LOC128462377: variants seen among roughly 807,000 people sequenced by gnomAD.
the LOC128462377 span, among the ~76,000 whole-genome samples, chr16:89,410,074 C>T: frequency 6.6e-6 from 1 of 152,148 alleles, no homozygotes; most frequent in Non-Finnish European, 1.5e-5. Flanking sequence ...CTCCTGACCT[C>T]GTGATCCGCC....
the LOC128462377 span, among the ~76,000 whole-genome samples, chr16:89,397,535 C>T: frequency 3.9e-5 from 6 of 152,196 alleles, no homozygotes; most frequent in African/African-American, 9.7e-5. Context: ...TCGTCCCTGA[C>T]GGGGAAGGGT....
the LOC128462377 span, among the ~76,000 whole-genome samples, chr16:89,416,783 T>A: frequency 2.0e-5 from 3 of 150,454 alleles, no homozygotes; most frequent in African/African-American, 4.9e-5. Flanking sequence ...AAAAAAAAAA[T>A]TAAAAAAAGA....
At chr16:89,380,941 C>T in the LOC128462377 span, among the ~76,000 whole-genome samples, 1 of 152,184 alleles carries the variant, frequency 6.6e-6, no homozygotes, top group Non-Finnish European at 1.5e-5. Context: ...ATCCCTGCTT[C>T]CCAGTGTGGG....
chr16:89,403,422 G>A, the LOC128462377 span, among the ~76,000 whole-genome samples: 2 of 152,138 alleles, frequency 1.3e-5, no homozygotes, highest in African/African-American at 2.4e-5. Context: ...AGGGCAGAGC[G>A]GGGAACCCAA....
chr16:89,411,186 A>G, the LOC128462377 span, among the ~76,000 whole-genome samples: 1 of 152,250 alleles, frequency 6.6e-6, no homozygotes, highest in Non-Finnish European at 1.5e-5. Context: ...CCACGCCTCC[A>G]TGACGGTGCC....
chr16:89,355,836 G>A, the LOC128462377 span, among the ~76,000 whole-genome samples: 1 of 152,178 alleles, frequency 6.6e-6, no homozygotes, highest in Non-Finnish European at 1.5e-5. Flanking sequence ...GCTCTCCTGT[G>A]CGCAGCCCAA....
the LOC128462377 span, among the ~76,000 whole-genome samples, chr16:89,355,307 C>G: frequency 2.0e-5 from 3 of 151,918 alleles, no homozygotes; most frequent in Admixed American, 6.6e-5. Flanking sequence ...GGCGGGCGGA[C>G]GGCTCACACA....
chr16:89,393,109 C>G, the LOC128462377 span, among the ~76,000 whole-genome samples: 1 of 152,102 alleles, frequency 6.6e-6, no homozygotes, highest in African/African-American at 2.4e-5. Flanking sequence ...CCCTCTTCTT[C>G]ACCTGCATAC....
chr16:89,359,460 G>A, the LOC128462377 span, among the ~76,000 whole-genome samples: 39 of 152,202 alleles, frequency 2.6e-4, no homozygotes, highest in Admixed American at 7.2e-4. Context: ...CACGTCTGCT[G>A]CAGCCCCTCG....
chr16:89,384,753 G>T, the LOC128462377 span, among the ~76,000 whole-genome samples: 2 of 151,960 alleles, frequency 1.3e-5, no homozygotes, highest in African/African-American at 4.8e-5. Flanking sequence ...TGTATTTTTG[G>T]CAACCTGTAT....
chr16:89,358,972 T>A, the LOC128462377 span, among the ~76,000 whole-genome samples: 2 of 152,086 alleles, frequency 1.3e-5, no homozygotes, highest in Non-Finnish European at 2.9e-5. Flanking sequence ...ACCACAGGCA[T>A]GCACCACCAC....
At chr16:89,317,487 A>AC in the LOC128462377 span, among the ~76,000 whole-genome samples, 2 of 152,240 alleles carry the variant, frequency 1.3e-5, no homozygotes, top group South Asian at 4.1e-4. Context: ...GCAGCGCAGT[A>AC]CCCCAGCCCT....
the LOC128462377 span, among the ~76,000 whole-genome samples, chr16:89,349,980 C>G: frequency 6.6e-6 from 1 of 151,592 alleles, no homozygotes; most frequent in South Asian, 2.1e-4. Flanking sequence ...CAAAAATCAG[C>G]AGACAACCCG....
chr16:89,317,186 C>T, the LOC128462377 span: 2 of 839,652 alleles, frequency 2.4e-6, no homozygotes, highest in Non-Finnish European at 3.9e-6. Flanking sequence ...CAGGCAGCTG[C>T]TCTGATCAGG....
chr16:89,402,736 G>T, the LOC128462377 span, among the ~76,000 whole-genome samples: 1 of 146,880 alleles, frequency 6.8e-6, no homozygotes, highest in African/African-American at 2.5e-5. Context: ...GCTCTGTGGG[G>T]TGAGATAGGG....
the LOC128462377 span, among the ~76,000 whole-genome samples, chr16:89,355,039 G>A: frequency 6.6e-5 from 10 of 152,164 alleles, no homozygotes; most frequent in Admixed American, 2.6e-4. Context: ...GGAAGGAAAC[G>A]CCAGAACAAC....
the LOC128462377 span, among the ~76,000 whole-genome samples, chr16:89,348,899 G>A: frequency 4.7e-5 from 7 of 148,724 alleles, no homozygotes; most frequent in East Asian, 7.8e-4. Context: ...ACACCCAGCC[G>A]GGCATATCAC....
the LOC128462377 span, among the ~76,000 whole-genome samples, chr16:89,384,879 CTTTTTT>C: frequency 5.4e-3 from 272 of 49,938 alleles, 5 homozygotes; most frequent in South Asian, 0.092. Flanking sequence ...AAATAGTTTT[CTTTTTT>C]TTTTTTTTTT....
chr16:89,393,673 A>C, the LOC128462377 span, among the ~76,000 whole-genome samples: 7 of 151,450 alleles, frequency 4.6e-5, no homozygotes, highest in African/African-American at 1.5e-4. Flanking sequence ...AATCACGTCC[A>C]CCTCAGAGGA....
Sources: gnomAD v4.1 joint callset for allele counts (sites outside exome capture counted in the v4.1 genomes callset) on GRCh38, gnomAD v4.1.1 for gene constraint, MANE v1.5 for transcripts.